PTPRT: variants seen among roughly 807,000 people sequenced by gnomAD.
The protein encoded by PTPRT is receptor-type tyrosine-protein phosphatase T.
Under a neutral mutation model 176.8 loss-of-function variants are expected in PTPRT, and 56 were observed. That is an observed-to-expected ratio of 0.32 (90% CI 0.26 to 0.40). The LOEUF is 0.40. Ranked by LOEUF, PTPRT falls within the 10% of genes least tolerant of loss-of-function variation. The probability of loss-of-function intolerance (pLI) is 1.00; values close to 1 mark genes in which losing one functional copy is unlikely to be tolerated. For missense variants in PTPRT, 1,540 were observed against 1,908.2 expected (o/e 0.81, Z 3.60); for synonymous variants, 783 against 739.0 (o/e 1.06, Z -0.96).
chr20:42,220,592 A>T (rs1037297626), intron 15 of PTPRT, among the ~76,000 whole-genome samples: 1 of 144,986 alleles, frequency 6.9e-6, no homozygotes, highest in Non-Finnish European at 1.5e-5. Flanking sequence ...AAGAATGGGG[A>T]AAAAGCCTCT....
At chr20:42,206,563 CG>C (rs2055469815) in intron 15 of PTPRT, among the ~76,000 whole-genome samples, 1 of 152,194 alleles carries the variant, frequency 6.6e-6, no homozygotes, top group Non-Finnish European at 1.5e-5. Flanking sequence ...CCGAATACTG[CG>C]CATTTCCGAC....
chr20:42,152,672 T>A (rs1989188218), intron 17 of PTPRT, among the ~76,000 whole-genome samples: 1 of 152,184 alleles, frequency 6.6e-6, no homozygotes, highest in Admixed American at 6.5e-5. Flanking sequence ...GGGATCCCCA[T>A]AATTCACTTC....
At chr20:42,827,727 A>T (rs1257518487) in intron 2 of PTPRT, among the ~76,000 whole-genome samples, 3 of 152,142 alleles carry the variant, frequency 2.0e-5, no homozygotes, top group Non-Finnish European at 4.4e-5. Context: ...CATTCTCATA[A>T]TAGTGTGTGA....
At chr20:42,703,146 T>A (rs1413166257) in intron 6 of PTPRT, among the ~76,000 whole-genome samples, 1 of 152,158 alleles carries the variant, frequency 6.6e-6, no homozygotes, top group African/African-American at 2.4e-5. Context: ...ATGCTGGGAT[T>A]AGTACTGCTG....
intron 9 of PTPRT, among the ~76,000 whole-genome samples, chr20:42,382,397 A>G (rs1324835364): frequency 6.6e-6 from 1 of 152,184 alleles, no homozygotes; most frequent in East Asian, 1.9e-4. Flanking sequence ...TGATCCCAGG[A>G]GAAATCCACA....
At chr20:42,870,360 A>G (rs752828023) in intron 2 of PTPRT, among the ~76,000 whole-genome samples, 72 of 152,206 alleles carry the variant, frequency 4.7e-4, no homozygotes, top group Non-Finnish European at 8.2e-4. Context: ...AGGCTGAGTA[A>G]TATTCCATTG....
At chr20:43,031,940 C>G (rs1357346112) in intron 1 of PTPRT, among the ~76,000 whole-genome samples, 1 of 152,156 alleles carries the variant, frequency 6.6e-6, no homozygotes, top group Admixed American at 6.5e-5. Context: ...TGACCTTCTT[C>G]CCTGCCCCAG....
chr20:42,955,016 G>A (rs922848720), intron 1 of PTPRT, among the ~76,000 whole-genome samples: 1 of 151,200 alleles, frequency 6.6e-6, no homozygotes, highest in African/African-American at 2.4e-5. Context: ...GGGAGGAGAG[G>A]GAGGAGGAGT....
chr20:42,738,281 G>A (rs1328194582), intron 6 of PTPRT, among the ~76,000 whole-genome samples: 1 of 152,196 alleles, frequency 6.6e-6, no homozygotes, highest in East Asian at 1.9e-4. Flanking sequence ...GGAGGCCGAG[G>A]TGAGTGGATC....
chr20:42,649,011 G>A (rs1385809515), intron 7 of PTPRT, among the ~76,000 whole-genome samples: 1 of 151,790 alleles, frequency 6.6e-6, no homozygotes, highest in Non-Finnish European at 1.5e-5. Context: ...AGTAGAGATG[G>A]GGTTTCACCG....
chr20:42,308,938 A>G (rs1470395903), intron 12 of PTPRT, among the ~76,000 whole-genome samples: 1 of 152,208 alleles, frequency 6.6e-6, no homozygotes, highest in African/African-American at 2.4e-5. Flanking sequence ...ATCATGACCA[A>G]TTCAACACAG....
chr20:42,109,404 G>C (rs1316172076), intron 23 of PTPRT, among the ~76,000 whole-genome samples: 1 of 152,144 alleles, frequency 6.6e-6, no homozygotes, highest in African/African-American at 2.4e-5. Flanking sequence ...CCCTTGACAG[G>C]ATACTTCATC....
At chr20:42,295,012 A>G (rs141158773) in intron 12 of PTPRT, among the ~76,000 whole-genome samples, 102 of 152,270 alleles carry the variant, frequency 6.7e-4, no homozygotes, top group East Asian at 4.3e-3. Flanking sequence ...CAACATATAT[A>G]TAGTGAAATT....
chr20:42,329,189 G>A (rs1333396811), intron 11 of PTPRT, among the ~76,000 whole-genome samples: 3 of 152,082 alleles, frequency 2.0e-5, no homozygotes, highest in Admixed American at 2.0e-4. Flanking sequence ...CTTTCAGTGT[G>A]GAAAAGCTCA....
At chr20:42,098,652 C>T in intron 26 of PTPRT, 100 bp from the exon 27 acceptor site, 2 of 1,474,912 alleles carry the variant, frequency 1.4e-6, no homozygotes, top group South Asian at 2.6e-5. Context: ...CAGAGCCTGC[C>T]AAATAGATTA....
At chr20:42,230,814 C>A (rs115228549) in intron 15 of PTPRT, among the ~76,000 whole-genome samples, 1 of 152,168 alleles carries the variant, frequency 6.6e-6, no homozygotes, top group Non-Finnish European at 1.5e-5. Flanking sequence ...TTTGTGTGTG[C>A]GTGTGCGTGT....
chr20:42,162,922 A>G (rs188134260), intron 16 of PTPRT, among the ~76,000 whole-genome samples: 6 of 152,288 alleles, frequency 3.9e-5, no homozygotes, highest in African/African-American at 1.4e-4. Context: ...AATGGAAGGG[A>G]ACACCTGACC....
Position 42,236,224 on chromosome 20 carries a change from C to T in PTPRT, c.2342+5G>A. 6.3e-7 allele frequency: 1 copy of T among 1,599,876 alleles called. No homozygotes were observed. ...AAGCAAAGTTAACACCAGCTCGATA[C>T]TTACAAGTAATAGGAGTAGGAATAA... is the stretch of plus-strand genomic sequence containing the variant. On this transcript the variant is annotated splice_donor_5th_base_variant and intron_variant, in intron 15 of 30. Transcript: ENST00000373187.
intron 9 of PTPRT, among the ~76,000 whole-genome samples, chr20:42,424,436 G>A (rs1231149766): frequency 1.3e-5 from 2 of 152,150 alleles, no homozygotes; most frequent in Non-Finnish European, 2.9e-5. Context: ...CACCAGAGCT[G>A]GTAGTAAACA....
Sources: gnomAD v4.1 joint callset for allele counts (sites outside exome capture counted in the v4.1 genomes callset) on GRCh38, gnomAD v4.1.1 for gene constraint, MANE v1.5 for transcripts, NCBI Gene and HGNC (gene_info 2026-07-23, HGNC 2026-07-21) for gene names.